HERC2: variants seen among roughly 807,000 people sequenced by gnomAD.
The protein encoded by HERC2 is E3 ubiquitin-protein ligase HERC2.
Under a neutral mutation model 537.7 loss-of-function variants are expected in HERC2, and 102 were observed. The observed-to-expected ratio is 0.19, with a 90% confidence interval of 0.16 to 0.22. The LOEUF is 0.22. HERC2 is among the 10% of genes least tolerant of loss of function. The pLI, the probability that HERC2 is intolerant of heterozygous loss-of-function variation, is 1.00. For synonymous variants in HERC2, 2,224 were observed against 2,466.2 expected, an observed-to-expected ratio of 0.90 and a Z score of 2.91; for missense variants, 4,236 against 6,198.2, an observed-to-expected ratio of 0.68 and a Z score of 10.63.
At chr15:28,251,944 G>A (rs2075097658) in intron 20 of HERC2, among the ~76,000 whole-genome samples, 1 of 151,922 alleles carries the variant, frequency 6.6e-6, no homozygotes, top group Admixed American at 6.6e-5. Context: ...AAACCATCAG[G>A]GTAGCTTACA....
In HERC2 at chr15:28,143,721, C is replaced by T. The variant is rs547997043; in HGVS notation, c.11418+152G>A. 59 of 878,338 alleles carry T rather than the reference C, an allele frequency of 6.7e-5. No homozygotes were observed. In the South Asian group the frequency reaches 9.4e-4, roughly 14 times the overall value. The allele number at this position is 878,338 out of a possible 1,614,324, so 54.4% of individuals were successfully genotyped here. A position where few individuals can be genotyped will look rare whatever the true frequency, so the allele number is the denominator to read the frequency against. On this transcript the variant is annotated intron_variant, in intron 74 of 92. Transcript: ENST00000261609. ...TCAGCCTCCCAAAGTGGTGGCATTA[C>T]ACGCATGAGCCACCGCGCCCGGTCC... is the stretch of plus-strand genomic sequence containing the variant.
intron 66 of HERC2, among the ~76,000 whole-genome samples, chr15:28,169,171 C>G (rs886810624): frequency 6.6e-6 from 1 of 152,242 alleles, no homozygotes; most frequent in Non-Finnish European, 1.5e-5. Flanking sequence ...GCTAAGTCGT[C>G]TTAGACATCA....
rs1435203979 is a variant in HERC2 at position 28,186,598 on chromosome 15, T to A, written c.8804A>T (p.Asp2935Val). 1 of 1,613,732 alleles carries A rather than the reference T, an allele frequency of 6.2e-7. No individual in the cohort carries two copies. The highest frequency in any genetic ancestry group is 8.5e-7 in the Non-Finnish European group (1 of 1,179,854). Residue 2935 changes from aspartate (D) to valine (V), a missense_variant, in exon 56 of 93, where the codon GAT becomes GTT. By Grantham distance (152) the Asp-to-Val change is radical (BLOSUM62 -3). Transcript: ENST00000261609. The part of the protein sequence containing the change: ...FLASDNEEEE[D>V]EKGNSGSLIR... ...TCACCTTCCGCTGTTGCCTTTCTCA[T>A]CCTCCTCCTCTTCATTATCCGAAGC...
intron 69 of HERC2, among the ~76,000 whole-genome samples, chr15:28,154,806 T>A (rs1892817131): frequency 6.6e-6 from 1 of 152,200 alleles, no homozygotes; most frequent in Non-Finnish European, 1.5e-5. Flanking sequence ...AGGGTACATG[T>A]GCACAACGTG....
intron 16 of HERC2, among the ~76,000 whole-genome samples, chr15:28,258,403 C>G (rs978060354): frequency 3.2e-4 from 49 of 152,206 alleles, no homozygotes; most frequent in African/African-American, 1.1e-3. Flanking sequence ...ACCCGGGAGA[C>G]AGAGGTTGCC....
chr15:28,312,659 A>G (rs2076979496), intron 2 of HERC2: 1 of 177,900 alleles, frequency 5.6e-6, no homozygotes, highest in African/African-American at 2.3e-5. Context: ...AGAAAAAGAA[A>G]AAAATGAATG....
intron 69 of HERC2, among the ~76,000 whole-genome samples, chr15:28,159,636 A>G (rs1353279003): frequency 6.6e-6 from 1 of 152,090 alleles, no homozygotes; most frequent in African/African-American, 2.4e-5. Flanking sequence ...CATTCGTCTA[A>G]TCTTTTTTCA....
At position 28,135,593 on chromosome 15, in the gene HERC2, T is replaced by A; in HGVS notation, c.12115A>T (p.Ile4039Phe). ...TLLESIQHVF[I>F]KKVAVNSGGK... ...CCAGAGTTCACAGCTACTTTCTTAATAAACACATGCTGAATGGATTCAAGC... is the reference window on the plus strand; with the variant it reads ...CCAGAGTTCACAGCTACTTTCTTAAAAAACACATGCTGAATGGATTCAAGC... Residue 4039 changes from isoleucine to phenylalanine, a missense_variant, in exon 79 of 93, where the codon ATT becomes TTT. Physicochemically the swap from Ile to Phe is conservative, Grantham distance 21. This residue lies in a region of HERC2 where 43 missense variants were observed against 82.6 expected (regional missense o/e 0.52). Transcript: ENST00000261609. The A allele has an allele frequency of 6.2e-7, 1 of 1,614,176 alleles. No individual in the cohort carries two copies. The highest frequency in any genetic ancestry group is 8.5e-7 in the Non-Finnish European group (1 of 1,180,012).
At chr15:28,295,308 T>TG (rs3079935) in intron 3 of HERC2, among the ~76,000 whole-genome samples, 2,098 of 79,560 alleles carry the variant, frequency 0.026, 97 homozygotes, top group East Asian at 0.23. Flanking sequence ...TACATGTGTG[T>TG]GGGGGGGGGG....
chr15:28,225,717 A>G (rs1183328207), intron 35 of HERC2, among the ~76,000 whole-genome samples: 2 of 149,672 alleles, frequency 1.3e-5, no homozygotes, highest in Non-Finnish European at 3.0e-5. Flanking sequence ...AAAAAAAAAG[A>G]AAGAAAAAAA....
At chr15:28,127,466 G>T (rs1309078971) in intron 83 of HERC2, among the ~76,000 whole-genome samples, 2 of 152,186 alleles carry the variant, frequency 1.3e-5, no homozygotes, top group East Asian at 3.9e-4. Flanking sequence ...CTGGACCTGG[G>T]GATACTGGTG....
intron 16 of HERC2, 112 bp from the exon 17 acceptor site, chr15:28,257,373 C>A (rs2075294277): frequency 3.7e-6 from 3 of 818,278 alleles, no homozygotes; most frequent in Non-Finnish European, 5.9e-6. Context: ...ACCTATCATC[C>A]CTCGAACTGC....
intron 4 of HERC2, among the ~76,000 whole-genome samples, chr15:28,288,852 A>C (rs1162865296): frequency 7.0e-6 from 1 of 142,784 alleles, no homozygotes. Context: ...CCATCTCAAA[A>C]AAAAAAAAAA....
chr15:28,161,529 T>C (rs1157116184), intron 69 of HERC2, among the ~76,000 whole-genome samples: 1 of 152,210 alleles, frequency 6.6e-6, no homozygotes, highest in African/African-American at 2.4e-5. Flanking sequence ...ATCAGTCCTA[T>C]TTCTAAGACA....
intron 78 of HERC2, among the ~76,000 whole-genome samples, chr15:28,140,511 A>AT (rs1349177234): frequency 1.3e-5 from 2 of 152,166 alleles, no homozygotes; most frequent in Admixed American, 1.3e-4. Context: ...ATATTTCTAT[A>AT]TATCAGTGGC....
chr15:28,116,406 G>A (rs551454712), intron 88 of HERC2, among the ~76,000 whole-genome samples: 39 of 151,874 alleles, frequency 2.6e-4, no homozygotes, highest in African/African-American at 8.9e-4. Context: ...TACTAGAGAC[G>A]AGGTTTCACC....
chr15:28,225,110 A>T (rs1015429954), intron 35 of HERC2, among the ~76,000 whole-genome samples: 1 of 152,308 alleles, frequency 6.6e-6, no homozygotes, highest in Admixed American at 6.5e-5. Flanking sequence ...AAGTTAGGCC[A>T]GGTGTGGTGC....
At chr15:28,249,237 G>A (rs1171465957) in intron 20 of HERC2, among the ~76,000 whole-genome samples, 2 of 152,190 alleles carry the variant, frequency 1.3e-5, no homozygotes, top group Non-Finnish European at 2.9e-5. Context: ...CATCTGCCTT[G>A]CAAGTCCACC....
chr15:28,204,434 A>C (rs549462302), intron 45 of HERC2, among the ~76,000 whole-genome samples: 53 of 152,254 alleles, frequency 3.5e-4, no homozygotes, highest in Middle Eastern at 3.4e-3. Context: ...AGCCTGGCCA[A>C]CATGGTAAAA....
Sources: gnomAD v4.1 joint callset for allele counts (sites outside exome capture counted in the v4.1 genomes callset) on GRCh38, gnomAD v4.1.1 for gene constraint, gnomAD v4.1.1 regional missense constraint, MANE v1.5 for transcripts, NCBI Gene and HGNC (gene_info 2026-07-23, HGNC 2026-07-21) for gene names.